NKAIN2: variants seen among roughly 807,000 people sequenced by gnomAD.
The protein encoded by NKAIN2 is sodium/potassium-transporting ATPase subunit beta-1-interacting protein 2.
A neutral mutation model predicts 32.6 loss-of-function variants in NKAIN2; 14 were observed. That is an observed-to-expected ratio of 0.43 (90% confidence interval 0.28 to 0.67). The LOEUF is 0.67. NKAIN2 is among the 30% of genes least tolerant of loss of function. NKAIN2 has a pLI of 0.17. For synonymous variants in NKAIN2, 80 were observed against 87.2 expected (o/e 0.92, Z 0.46); for missense variants, 198 against 258.3 (o/e 0.77, Z 1.60).
At chr6:124,141,722 A>T (rs1366411423) in intron 1 of NKAIN2, among the ~76,000 whole-genome samples, 1 of 152,034 alleles carries the variant, frequency 6.6e-6, no homozygotes, top group Non-Finnish European at 1.5e-5. Context: ...GGTGTGACTC[A>T]TCCTATCAGA....
At chr6:123,849,543 C>T (rs1775228867) in intron 1 of NKAIN2, among the ~76,000 whole-genome samples, 1 of 152,084 alleles carries the variant, frequency 6.6e-6, no homozygotes, top group African/African-American at 2.4e-5. Flanking sequence ...TAGCTACAGG[C>T]AGAAGTCTGG....
intron 3 of NKAIN2, among the ~76,000 whole-genome samples, chr6:124,547,517 C>CA (rs1583421206): frequency 6.6e-6 from 1 of 152,134 alleles, no homozygotes; most frequent in African/African-American, 2.4e-5. Context: ...TAGAACATTA[C>CA]AAAACAATTA....
At chr6:124,699,011 C>G (rs1774635692) in intron 4 of NKAIN2, among the ~76,000 whole-genome samples, 2 of 152,084 alleles carry the variant, frequency 1.3e-5, no homozygotes, top group Admixed American at 6.6e-5. Flanking sequence ...ATTATTTAAC[C>G]TTTTGGTCCT....
At chr6:124,122,967 G>A (rs1408273303) in intron 1 of NKAIN2, among the ~76,000 whole-genome samples, 3 of 152,028 alleles carry the variant, frequency 2.0e-5, no homozygotes, top group Non-Finnish European at 4.4e-5. Context: ...AGGCCAATAA[G>A]TGATTAGAAA....
chr6:124,103,906 T>G (rs1374036631), intron 1 of NKAIN2, among the ~76,000 whole-genome samples: 1 of 151,976 alleles, frequency 6.6e-6, no homozygotes, highest in Non-Finnish European at 1.5e-5. Context: ...GCTAACACGG[T>G]GAAACCCCGT....
At chr6:123,960,363 T>A (rs1777789360) in intron 1 of NKAIN2, among the ~76,000 whole-genome samples, 2 of 152,146 alleles carry the variant, frequency 1.3e-5, no homozygotes, top group Non-Finnish European at 2.9e-5. Flanking sequence ...GAGGGACCTC[T>A]TCTCCTCTAG....
At chr6:124,568,696 T>C (rs567030462) in intron 3 of NKAIN2, among the ~76,000 whole-genome samples, 3 of 151,718 alleles carry the variant, frequency 2.0e-5, no homozygotes, top group South Asian at 2.1e-4. Context: ...AAATGTAGGG[T>C]GGTCATCTAG....
At chr6:124,047,571 A>G (rs909653996) in intron 1 of NKAIN2, among the ~76,000 whole-genome samples, 8 of 152,016 alleles carry the variant, frequency 5.3e-5, no homozygotes, top group African/African-American at 1.9e-4. Context: ...CTCCCCGGCT[A>G]TTAGGCTGTG....
chr6:124,258,070 G>A lies in NKAIN2; in HGVS notation c.55-24935G>A, dbSNP rs564348109. On this transcript the variant is annotated intron_variant, in intron 1 of 6. Coordinates refer to ENST00000368417, the MANE Select transcript of NKAIN2 (RefSeq NM_001040214.3). ...GCTGGGATTACAGGTGTGAGCCACC[G>A]TGCTGGCCAATTCATTTAATTCTTA... 2.0e-5 allele frequency among the ~76,000 whole-genome samples: 3 copies of A among 151,826 alleles called. No homozygotes were observed. In the South Asian group the frequency reaches 6.2e-4, roughly 32 times the overall value.
intron 3 of NKAIN2, among the ~76,000 whole-genome samples, chr6:124,425,420 C>T (rs879926539): frequency 6.6e-6 from 1 of 151,804 alleles, no homozygotes; most frequent in Non-Finnish European, 1.5e-5. Context: ...AGTGACCAAA[C>T]AAAAGCAACA....
intron 5 of NKAIN2, among the ~76,000 whole-genome samples, chr6:124,816,654 A>G (rs529051579): frequency 6.6e-6 from 1 of 152,286 alleles, no homozygotes; most frequent in East Asian, 1.9e-4. Context: ...GACATCACGG[A>G]CTTTATGTTA....
At chr6:124,410,763 G>C (rs567671624) in intron 3 of NKAIN2, among the ~76,000 whole-genome samples, 1 of 152,134 alleles carries the variant, frequency 6.6e-6, no homozygotes, top group Non-Finnish European at 1.5e-5. Flanking sequence ...TTAACTTTCT[G>C]TCTCGATCTG....
intron 3 of NKAIN2, among the ~76,000 whole-genome samples, chr6:124,536,850 A>G (rs947868111): frequency 8.5e-5 from 13 of 152,358 alleles, no homozygotes; most frequent in Middle Eastern, 6.8e-3. Flanking sequence ...AAGGCAAAAC[A>G]TGTGAAACAA....
chr6:124,322,904 C>T (rs557918791), intron 2 of NKAIN2, among the ~76,000 whole-genome samples: 1 of 152,122 alleles, frequency 6.6e-6, no homozygotes, highest in East Asian at 1.9e-4. Context: ...AATGAGAGAG[C>T]CAGTTTCTCC....
rs182314576 is a variant in NKAIN2 at position 124,779,314 on chromosome 6, G to A, written c.475-12025G>A. ...CAGGAAGGAGGGAGGGAGGGAGGGA[G>A]GGAGGGAAGGAAGGAAGGAAGGAAG... On this transcript the variant is annotated intron_variant, in intron 4 of 6. Coordinates refer to ENST00000368417, the MANE Select transcript of NKAIN2 (RefSeq NM_001040214.3). Among the ~76,000 whole-genome samples, 463 of 79,536 alleles carry A rather than the reference G, an allele frequency of 5.8e-3. 3 individuals are homozygous for A. The highest frequency in any genetic ancestry group is 7.2e-3 in the Non-Finnish European group (296 of 41,038). 52.2% of individuals were successfully genotyped at this position (79,536 alleles called of 152,430 possible).
At chr6:123,984,318 T>C (rs1416941244) in intron 1 of NKAIN2, among the ~76,000 whole-genome samples, 1 of 152,206 alleles carries the variant, frequency 6.6e-6, no homozygotes, top group Non-Finnish European at 1.5e-5. Context: ...GCAGTAAGTA[T>C]ACTCAATTTT....
At chr6:124,583,914 T>C (rs1781614775) in intron 3 of NKAIN2, among the ~76,000 whole-genome samples, 1 of 152,186 alleles carries the variant, frequency 6.6e-6, no homozygotes, top group Non-Finnish European at 1.5e-5. Context: ...CTTTGATAAA[T>C]GATGCTGGGA....
At chr6:124,026,351 C>A (rs1305172761) in intron 1 of NKAIN2, among the ~76,000 whole-genome samples, 1 of 149,570 alleles carries the variant, frequency 6.7e-6, no homozygotes, top group African/African-American at 2.5e-5. Flanking sequence ...TTCTCTTAAC[C>A]AAATTAGTGA....
chr6:124,031,684 G>A (rs1262224966), intron 1 of NKAIN2, among the ~76,000 whole-genome samples: 1 of 152,132 alleles, frequency 6.6e-6, no homozygotes, highest in Non-Finnish European at 1.5e-5. Context: ...AGTCATTCAG[G>A]AGCAGGTTGT....
Sources: gnomAD v4.1 joint callset for allele counts (sites outside exome capture counted in the v4.1 genomes callset) on GRCh38, gnomAD v4.1.1 for gene constraint, MANE v1.5 for transcripts, NCBI Gene and HGNC (gene_info 2026-07-23, HGNC 2026-07-21) for gene names.